The following CSRNP2 variants were observed in gnomAD, a reference collection of about 807,000 sequenced individuals.
CSRNP2 encodes cysteine/serine-rich nuclear protein 2.
Under a neutral mutation model 36.6 loss-of-function variants are expected in CSRNP2, and 11 were observed. The ratio of observed to expected loss-of-function variants is 0.30; its 90% CI spans 0.19 to 0.50. CSRNP2 has a LOEUF of 0.50. CSRNP2 is among the 20% of genes least tolerant of loss of function. CSRNP2 has a pLI of 0.98. For synonymous variants in CSRNP2, 248 were observed against 275.3 expected (o/e 0.90, Z 0.98); for missense variants, 483 against 691.4 (o/e 0.70, Z 3.38).
chr12:51,073,333 GC>G (rs1471939460), intron 3 of CSRNP2, among the ~76,000 whole-genome samples: 1 of 151,976 alleles, frequency 6.6e-6, no homozygotes, highest in African/African-American at 2.4e-5. Flanking sequence ...AGACTCCCCT[GC>G]CAGATGCAAA....
At chr12:51,079,409 T>C (rs1409360752) in intron 1 of CSRNP2, among the ~76,000 whole-genome samples, 2 of 151,790 alleles carry the variant, frequency 1.3e-5, no homozygotes, top group South Asian at 2.1e-4. Context: ...TTCCATTCTA[T>C]TGTAGCGGGG....
At chr12:51,078,151 T>C (rs1250765450) in intron 1 of CSRNP2, among the ~76,000 whole-genome samples, 3 of 152,212 alleles carry the variant, frequency 2.0e-5, no homozygotes, top group Admixed American at 6.5e-5. Context: ...ACCCAGAATA[T>C]ACTGTGGTGT....
In CSRNP2 at chr12:51,067,527, G is replaced by A; in HGVS notation, c.708+146C>T. ...TGGCCGTGTGCTGTTTGCTTACTCT[G>A]TTGACGGAGGAGGGTTGTGGAACTG... On this transcript the variant is annotated intron_variant, in intron 4 of 4. Coordinates refer to ENST00000228515, the MANE Select transcript of CSRNP2 (RefSeq NM_030809.3). This position sits in a 1 kb window ranked among gnomAD's most constrained non-coding sequence, Gnocchi z 4.1. 1.4e-6 allele frequency: 1 copy of A among 729,192 alleles called. No individual in the cohort carries two copies. The highest frequency in any genetic ancestry group is 2.2e-6 in the Non-Finnish European group (1 of 445,072). 45.2% of individuals were successfully genotyped at this position (729,192 alleles called of 1,614,324 possible). A position where few individuals can be genotyped will look rare whatever the true frequency, so the allele number is the denominator to read the frequency against.
At position 51,064,446 on chromosome 12, in the gene CSRNP2, T is replaced by C. The variant is rs1937895148; in HGVS notation, c.932A>G (p.Gln311Arg). 1.9e-6 allele frequency: 3 copies of C among 1,610,818 alleles called. No individual in the cohort carries two copies. The highest frequency in any genetic ancestry group is 1.1e-5 in the South Asian group (1 of 90,814). The change falls in exon 5 of 5, where the codon CAG (glutamine) becomes CGG (arginine). Residue 311 changes from glutamine to arginine, a missense_variant. Gln to Arg is a conservative substitution (Grantham distance 43). This residue lies in a region of CSRNP2 where 277 missense variants were observed against 323.6 expected (regional missense o/e 0.86). Transcript: ENST00000228515. ...SLTGAQGSET[Q>R]DFQEFIAENE... ...CTCAGCAATGAACTCCTGGAAGTCCTGGGTCTCAGAGCCCTGTGCTCCTGT... is the reference window on the plus strand; with the variant it reads ...CTCAGCAATGAACTCCTGGAAGTCCCGGGTCTCAGAGCCCTGTGCTCCTGT...
Position 51,067,555 on chromosome 12 carries a change from G to C in CSRNP2, c.708+118C>G. On this transcript the variant is annotated intron_variant, in intron 4 of 4. Transcript: ENST00000228515. This position sits in a 1 kb window ranked among gnomAD's most constrained non-coding sequence, Gnocchi z 4.1. ...GACGGAGGAGGGTTGTGGAACTGGA[G>C]AGTGTTCACAACCATAGGGAATCCA... 1.1e-6 allele frequency: 1 copy of C among 923,124 alleles called. No individual in the cohort carries two copies. Among genetic ancestry groups the C allele is most frequent in the South Asian group, 1.6e-5 (1 of 63,090 alleles). The allele number at this position is 923,124 out of a possible 1,614,324, so 57.2% of individuals were successfully genotyped here.
intron 4 of CSRNP2, among the ~76,000 whole-genome samples, chr12:51,065,518 T>C (rs968498554): frequency 1.3e-4 from 20 of 152,138 alleles, no homozygotes; most frequent in African/African-American, 4.3e-4. Flanking sequence ...CCTTTGGAGA[T>C]AGGGTCTTGC....
chr12:51,075,528 A>C (rs1054715135), intron 2 of CSRNP2, among the ~76,000 whole-genome samples: 1 of 152,232 alleles, frequency 6.6e-6, no homozygotes, highest in African/African-American at 2.4e-5. Context: ...ATTGATCTGT[A>C]GCAGGGGACA....
At chr12:51,078,534 G>T (rs955298664) in intron 1 of CSRNP2, among the ~76,000 whole-genome samples, 3 of 152,178 alleles carry the variant, frequency 2.0e-5, no homozygotes, top group Non-Finnish European at 4.4e-5. Context: ...AGCGAGCCAA[G>T]GGCTTTTTAT....
In CSRNP2 at chr12:51,076,411, G is replaced by A. The variant is rs1377509751; in HGVS notation, c.151C>T (p.Pro51Ser). Residue 51 changes from proline to serine, a missense_variant and splice_region_variant, in exon 2 of 5, where the codon CCC (proline) becomes TCC (serine). Physicochemically the swap from Pro to Ser is moderately conservative, Grantham distance 74 (BLOSUM62 -1). Coordinates refer to ENST00000228515, the MANE Select transcript of CSRNP2 (RefSeq NM_030809.3). ...LNPPTTASFT[P>S]TSILKRQKQL... ...GGCAGGGACGGAGCAGCTTACTCAC[G>A]TGTGAAGCTGGCAGTGGTAGGAGGA... 11 of 1,613,884 alleles carry A rather than the reference G, an allele frequency of 6.8e-6. No individual in the cohort carries two copies. Among genetic ancestry groups the A allele is most frequent in the East Asian group, 2.2e-5 (1 of 44,894 alleles).
intron 4 of CSRNP2, among the ~76,000 whole-genome samples, 195 bp from the exon 5 acceptor site, chr12:51,064,864 A>T (rs956719889): frequency 1.3e-5 from 2 of 152,222 alleles, no homozygotes; most frequent in African/African-American, 4.8e-5. Context: ...TTGCATTTCA[A>T]TCCCAGCTCA....
At chr12:51,073,580 A>T (rs1939273767) in intron 3 of CSRNP2, among the ~76,000 whole-genome samples, 2 of 151,700 alleles carry the variant, frequency 1.3e-5, no homozygotes, top group South Asian at 4.2e-4. Flanking sequence ...AAAAATACAA[A>T]AACAAGACGG....
At chr12:51,083,190 G>C (rs1453791345) in intron 1 of CSRNP2, 149 bp downstream of exon 1, 2 of 150,356 alleles carry the variant, frequency 1.3e-5, no homozygotes, top group African/African-American at 4.9e-5. Context: ...CGACCTCCCC[G>C]CCCCCCGACC....
At chr12:51,073,719 C>G in intron 3 of CSRNP2, 104 bp downstream of exon 3, 11 of 1,203,284 alleles carry the variant, frequency 9.1e-6, no homozygotes, top group Non-Finnish European at 1.2e-5. Context: ...GAGCAAGACT[C>G]TGTCCCAGAA....
rs1033316949 is a variant in CSRNP2, at chr12:51,063,684, G to A, written c.*62C>T. On this transcript the variant is annotated 3_prime_UTR_variant, in exon 5 of 5. Transcript: ENST00000228515. ...TGCTTCTACAGTTTTGTTTTGAAAT[G>A]GTGTTAGATAAAATAAGGGAATAAA... The A allele has an allele frequency of 3.7e-5, 48 of 1,287,386 alleles. No homozygotes were observed. Among genetic ancestry groups the A allele is most frequent in the Middle Eastern group, 1.9e-4 (1 of 5,158 alleles). 79.7% of individuals were successfully genotyped at this position (1,287,386 alleles called of 1,614,324 possible). A position where few individuals can be genotyped will look rare whatever the true frequency, so the allele number is the denominator to read the frequency against.
At chr12:51,065,087 G>A (rs755806361) in intron 4 of CSRNP2, among the ~76,000 whole-genome samples, 1 of 152,204 alleles carries the variant, frequency 6.6e-6, no homozygotes, top group Non-Finnish European at 1.5e-5. Flanking sequence ...GACAACAAAA[G>A]GCTGGAACCA....
At chr12:51,069,182 A>T (rs1938769156) in intron 3 of CSRNP2, among the ~76,000 whole-genome samples, 1 of 151,582 alleles carries the variant, frequency 6.6e-6, no homozygotes, top group Non-Finnish European at 1.5e-5. Context: ...TCACCGTGTT[A>T]GCCAGGATGG....
intron 2 of CSRNP2, 30 bp downstream of exon 2, chr12:51,076,381 G>T (rs1307800082): frequency 8.7e-6 from 14 of 1,610,306 alleles, no homozygotes; most frequent in Non-Finnish European, 1.1e-5. Context: ...GGGAATGTGG[G>T]TATAGGCAGG....
chr12:51,078,272 G>A (rs1939473544), intron 1 of CSRNP2, among the ~76,000 whole-genome samples: 1 of 152,172 alleles, frequency 6.6e-6, no homozygotes, highest in South Asian at 2.1e-4. Context: ...GTACCTTAGA[G>A]AAGGTATTTC....
rs1377509751 is a variant in CSRNP2, at chr12:51,076,411, G to T, written c.151C>A (p.Pro51Thr). The change falls in exon 2 of 5, where the codon CCC becomes ACC. Residue 51 changes from proline (P) to threonine (T), a missense_variant and splice_region_variant. Around this residue, in one of 2 missense-constraint regions of CSRNP2, gnomAD observed 206 missense variants for 367.8 expected, o/e 0.56. Transcript: ENST00000228515. ...LNPPTTASFT[P>T]TSILKRQKQL... ...GGCAGGGACGGAGCAGCTTACTCACGTGTGAAGCTGGCAGTGGTAGGAGGA... is the reference window on the plus strand; with the variant it reads ...GGCAGGGACGGAGCAGCTTACTCACTTGTGAAGCTGGCAGTGGTAGGAGGA... 9.9e-6 allele frequency: 16 copies of T among 1,613,888 alleles called. No homozygotes were observed. The highest frequency in any genetic ancestry group is 1.3e-5 in the African/African-American group (1 of 74,896).
Sources: gnomAD v4.1 joint callset for allele counts (sites outside exome capture counted in the v4.1 genomes callset) on GRCh38, gnomAD v4.1.1 for gene constraint, gnomAD v4.1.1 regional missense constraint, Gnocchi (gnomAD v3.1) non-coding constraint, MANE v1.5 for transcripts, NCBI Gene and HGNC (gene_info 2026-07-23, HGNC 2026-07-21) for gene names.